Variants in DLEC1 observed in about 807,000 individuals in gnomAD.
DLEC1 encodes the protein deleted in lung and esophageal cancer protein 1.
In DLEC1, 146 loss-of-function variants were observed where a neutral mutation model predicts 198.1. The ratio of observed to expected loss-of-function variants is 0.74; its 90% CI spans 0.64 to 0.85. The LOEUF (loss-of-function observed/expected upper bound fraction) is 0.85, where lower values mean the gene tolerates loss of function less well. DLEC1 is among the 40% of genes least tolerant of loss of function. The pLI is 0.00. For synonymous variants in DLEC1, 897 were observed against 866.8 expected (o/e 1.03, Z -0.61); for missense variants, 2,233 against 2,220.0 (o/e 1.01, Z -0.12).
rs1700524476 is a variant in DLEC1 at position 38,122,338 on chromosome 3, G to A, written c.5194G>A (p.Glu1732Lys). ...GATGGTGGTGGAAGGTGTGCTCGGTGAGAAGTCCTGCACCCTGCGGCTCCG... is the reference window on the plus strand; with the variant it reads ...GATGGTGGTGGAAGGTGTGCTCGGTAAGAAGTCCTGCACCCTGCGGCTCCG... ...STMVVEGVLGEKSCTLRLRGQ... is the reference protein window; with the variant it reads ...STMVVEGVLGKKSCTLRLRGQ... The change falls in exon 37 of 37, where the codon GAG becomes AAG. Residue 1732 changes from glutamate (E) to lysine (K), a missense_variant. By Grantham distance (56) the Glu-to-Lys change is moderately conservative. Transcript: ENST00000308059. 2 of 1,614,180 alleles carry A rather than the reference G, an allele frequency of 1.2e-6. No individual in the cohort carries two copies. The highest frequency in any genetic ancestry group is 1.7e-6 in the Non-Finnish European group (2 of 1,180,020).
At position 38,100,395 on chromosome 3, in the gene DLEC1, T is replaced by C; in HGVS notation, c.2834T>C (p.Leu945Pro). ...CACTGCCAGCATCTGGAGACCGTCC[T>C]GGAGCTGGAGGTGGAAAATGGTGCC... ...ALHCQHLETVLELEVENGAWS... is the reference protein window; with the variant it reads ...ALHCQHLETVPELEVENGAWS... Residue 945 changes from leucine to proline, a missense_variant, in exon 19 of 37, where the codon CTG becomes CCG. Physicochemically the swap from Leu to Pro is moderately conservative, Grantham distance 98. Transcript: ENST00000308059. 1 of 1,613,550 alleles carries C rather than the reference T, an allele frequency of 6.2e-7. No homozygotes were observed. The highest frequency in any genetic ancestry group is 8.5e-7 in the Non-Finnish European group (1 of 1,179,874).
intron 20 of DLEC1, among the ~76,000 whole-genome samples, chr3:38,108,134 C>T (rs1381320298): frequency 2.0e-5 from 3 of 152,242 alleles, no homozygotes; most frequent in Admixed American, 1.3e-4. Context: ...AGCATCTGCC[C>T]TCTGCTCCCC....
chr3:38,078,104 A>G (rs1308960218), intron 6 of DLEC1, among the ~76,000 whole-genome samples: 1 of 152,172 alleles, frequency 6.6e-6, no homozygotes, highest in Non-Finnish European at 1.5e-5. Flanking sequence ...GGTGGATCAG[A>G]GAGATACAGT....
chr3:38,074,644 T>C (rs1459652699), intron 6 of DLEC1, among the ~76,000 whole-genome samples: 2 of 152,214 alleles, frequency 1.3e-5, no homozygotes, highest in Admixed American at 6.5e-5. Flanking sequence ...GGGGATCCTC[T>C]TGGGGAACTG....
rs1362442183 is a variant in DLEC1, at chr3:38,082,088, C to T, written c.1174-2070C>T. Among the ~76,000 whole-genome samples, 160 of 145,406 alleles carry T rather than the reference C, an allele frequency of 1.1e-3. 1 individual carries two copies. The highest frequency in any genetic ancestry group is 3.6e-3 in the African/African-American group (137 of 38,568). ...CTCCTCACTTCTCAGACGGGGCGGC[C>T]GGGCAGAGACCCTCCTCACCTCCCA... On this transcript the variant is annotated intron_variant, in intron 6 of 36. Coordinates refer to ENST00000308059, the MANE Select transcript of DLEC1 (RefSeq NM_007335.4).
At chr3:38,107,417 A>G (rs1699622053) in intron 19 of DLEC1, among the ~76,000 whole-genome samples, 167 bp from the exon 20 acceptor site, 2 of 152,210 alleles carry the variant, frequency 1.3e-5, no homozygotes, top group African/African-American at 4.8e-5. Flanking sequence ...ATTTTTGTAT[A>G]TTGATCTTAT....
rs539991214 is a variant in DLEC1, at chr3:38,077,148, A to G, written c.1174-7010A>G. The stretch of plus-strand genomic sequence containing the variant: ...CCAGCAAAGATTATTTATTTACTTC[A>G]AGAGTTAAGAATGGCAGTTTGGGGA... On this transcript the variant is annotated intron_variant, in intron 6 of 36. Transcript: ENST00000308059. Among the ~76,000 whole-genome samples, 5 of 152,358 alleles carry G rather than the reference A, an allele frequency of 3.3e-5. No individual in the cohort carries two copies. In the South Asian group the frequency reaches 1.0e-3, roughly 32 times the overall value.
intron 3 of DLEC1, 55 bp downstream of exon 3, chr3:38,059,907 G>A: frequency 7.1e-7 from 1 of 1,412,668 alleles, no homozygotes; most frequent in South Asian, 1.2e-5. Context: ...AGTTCAGTAG[G>A]GCCACGTTGG....
intron 6 of DLEC1, among the ~76,000 whole-genome samples, chr3:38,071,983 T>C (rs1050643964): frequency 6.6e-6 from 1 of 152,212 alleles, no homozygotes; most frequent in Non-Finnish European, 1.5e-5. Context: ...GAAGATACTA[T>C]AGCATAGCCT....
At chr3:38,052,971 TG>T (rs564218873) in intron 2 of DLEC1, among the ~76,000 whole-genome samples, 203 of 152,318 alleles carry the variant, frequency 1.3e-3, no homozygotes, top group Admixed American at 0.012. Flanking sequence ...CGTATTTTTT[TG>T]GTGGAGACGG....
chr3:38,121,724 C>G lies in DLEC1; in HGVS notation c.4963C>G (p.Arg1655Gly), dbSNP rs374917641. 1.2e-6 allele frequency: 2 copies of G among 1,614,038 alleles called. No individual in the cohort carries two copies. The highest frequency in any genetic ancestry group is 1.7e-6 in the Non-Finnish European group (2 of 1,179,962). The change falls in exon 35 of 37, where the codon CGG (arginine) becomes GGG (glycine). Residue 1655 changes from arginine (R) to glycine (G), a missense_variant. Coordinates refer to ENST00000308059, the MANE Select transcript of DLEC1 (RefSeq NM_007335.4). The stretch of plus-strand genomic sequence containing the variant: ...CTGCTTTGTGAGCCAGCAGCGAGTC[C>G]GGGAGGTCTACCTGATGAACCTGAG... ...GTCFVSQQRV[R>G]EVYLMNLSGC...
rs375331375 is a variant in DLEC1, at chr3:38,085,354, G to C, written c.1342G>C (p.Gly448Arg). ...YIVQFFPDCL[G>R]DFDDFILVET... ...TGTCCAGTTTTTTCCCGACTGCCTT[G>C]GGGATTTTGATGATTTTATTTTAGT... Residue 448 changes from glycine (G) to arginine (R), a missense_variant, in exon 8 of 37, where the codon GGG becomes CGG. By Grantham distance (125) the Gly-to-Arg change is moderately radical. Coordinates refer to ENST00000308059, the MANE Select transcript of DLEC1 (RefSeq NM_007335.4). 2.4e-5 allele frequency: 38 copies of C among 1,614,014 alleles called. No homozygotes were observed. In the African/African-American group the frequency reaches 4.7e-4, roughly 20 times the overall value.
chr3:38,099,188 A>G (rs1337914744), intron 18 of DLEC1, among the ~76,000 whole-genome samples: 1 of 152,106 alleles, frequency 6.6e-6, no homozygotes, highest in African/African-American at 2.4e-5. Flanking sequence ...AGTCCCCTGC[A>G]CTTCTAGGGA....
intron 33 of DLEC1, 101 bp downstream of exon 33, chr3:38,118,125 A>C: frequency 1.5e-6 from 2 of 1,334,150 alleles, no homozygotes; most frequent in Admixed American, 4.3e-5. Flanking sequence ...ACCCAGACGC[A>C]AACTGCATGC....
chr3:38,059,623 T>G lies in DLEC1; in HGVS notation c.563-119T>G, dbSNP rs77717253. 3,025 of 807,022 alleles carry G rather than the reference T, an allele frequency of 3.7e-3. 53 individuals carry two copies. The African/African-American group carries it at 0.042, about 11-fold the overall frequency. 50.0% of individuals were successfully genotyped at this position (807,022 alleles called of 1,614,324 possible). Reference sequence around the variant, plus strand: ...TCTTAAATCTCAACATTCCCACAGGTTTCTGAGAAGGAATTTTGTTAGATA... The same window carrying G: ...TCTTAAATCTCAACATTCCCACAGGGTTCTGAGAAGGAATTTTGTTAGATA... On this transcript the variant is annotated intron_variant, in intron 2 of 36. Coordinates refer to ENST00000308059, the MANE Select transcript of DLEC1 (RefSeq NM_007335.4).
At position 38,116,460 on chromosome 3, in the gene DLEC1, C is replaced by T. The variant is rs759969616; in HGVS notation, c.3864C>T (p.Arg1288=). 6.2e-7 allele frequency: 1 copy of T among 1,613,924 alleles called. No individual in the cohort carries two copies. The highest frequency in any genetic ancestry group is 1.3e-5 in the African/African-American group (1 of 74,884). Residue 1288 remains arginine, a synonymous_variant, in exon 28 of 37, where the codon CGC becomes CGT. Transcript: ENST00000308059. ...TCCACACATCTGCCCCAGACATCCG[C>T]CTGGATTGGGAGACCTATGTTCCAG... ...RLNNSSPCDI[R]LDWETYVPED...
At position 38,039,426 on chromosome 3, in the gene DLEC1, G is replaced by T; in HGVS notation, c.201G>T (p.Thr67=). Residue 67 remains threonine, a synonymous_variant, in exon 1 of 37, where the codon ACG becomes ACT. Coordinates refer to ENST00000308059, the MANE Select transcript of DLEC1 (RefSeq NM_007335.4). ...TCGCAGCCCGGCCCCGCCGCCTCAC[G>T]CAGCTTGCGCTGGCGCAGCGTCCCG... The part of the protein sequence containing the change: ...YSFAARPRRL[T]QLALAQRPEP... 6.2e-7 allele frequency: 1 copy of T among 1,613,736 alleles called. No individual in the cohort carries two copies. Among genetic ancestry groups the T allele is most frequent in the Non-Finnish European group, 8.5e-7 (1 of 1,179,774 alleles).
chr3:38,077,048 T>C (rs547515055), intron 6 of DLEC1, among the ~76,000 whole-genome samples: 1 of 152,258 alleles, frequency 6.6e-6, no homozygotes, highest in South Asian at 2.1e-4. Flanking sequence ...GAAAAACAGA[T>C]ATAAAAGGTC....
chr3:38,111,551 A>C, intron 23 of DLEC1, 126 bp from the exon 24 acceptor site: 1 of 884,462 alleles, frequency 1.1e-6, no homozygotes, highest in South Asian at 1.7e-5. Flanking sequence ...CTCCCCTGGG[A>C]AGAGCAGGCA....
Sources: allele counts gnomAD v4.1 joint callset (sites outside exome capture counted in the v4.1 genomes callset), GRCh38; gene constraint gnomAD v4.1.1; transcripts MANE v1.5; gene names NCBI Gene and HGNC (gene_info 2026-07-23, HGNC 2026-07-21).